HMCN1: variants seen among roughly 807,000 people sequenced by gnomAD.
HMCN1 encodes hemicentin 1, also known as hemicentin-1.
Under a neutral mutation model 625.9 loss-of-function variants are expected in HMCN1, and 321 were observed. The observed-to-expected ratio is 0.51, with a 90% CI of 0.47 to 0.56. The LOEUF is 0.56. Ranked by LOEUF, HMCN1 falls within the 20% of genes least tolerant of loss-of-function variation. The probability of loss-of-function intolerance (pLI) is 0.00; values close to 1 mark genes in which losing one functional copy is unlikely to be tolerated. For missense variants in HMCN1, 6,588 were observed against 6,887.3 expected (o/e 0.96, Z 1.54); for synonymous variants, 2,425 against 2,417.6 (o/e 1.00, Z -0.09).
At chr1:185,768,132 C>G (rs938008949) in intron 1 of HMCN1, among the ~76,000 whole-genome samples, 3 of 152,120 alleles carry the variant, frequency 2.0e-5, no homozygotes, top group Admixed American at 6.6e-5. Context: ...CCTCACCATA[C>G]GTTTACTAAA....
At chr1:186,006,530 C>T (rs1653644285) in intron 29 of HMCN1, among the ~76,000 whole-genome samples, 2 of 151,978 alleles carry the variant, frequency 1.3e-5, no homozygotes, top group Non-Finnish European at 2.9e-5. Context: ...ACTTCCTTGA[C>T]AATCATATAC....
chr1:186,069,610 A>T lies in HMCN1; in HGVS notation c.7880-53A>T, dbSNP rs1658360059. The T allele has an allele frequency of 3.6e-6, 4 of 1,105,636 alleles. No homozygotes were observed. The South Asian group carries it at 3.9e-5, about 11-fold the overall frequency. The allele number at this position is 1,105,636 out of a possible 1,614,324, so 68.5% of individuals were successfully genotyped here. On this transcript the variant is annotated intron_variant, in intron 50 of 106. Transcript: ENST00000271588. ...CGTAAACCCCTGATAGCCTGTGTGT[A>T]CTCCACTGTCACTGTGATTTTAGAG...
At chr1:185,758,949 G>A (rs1407995469) in intron 1 of HMCN1, among the ~76,000 whole-genome samples, 1 of 151,854 alleles carries the variant, frequency 6.6e-6, no homozygotes, top group Non-Finnish European at 1.5e-5. Flanking sequence ...TTCAAACCTG[G>A]GTATGCCTGC....
At chr1:186,018,416 A>AGG in intron 34 of HMCN1, 64 bp downstream of exon 34, 1 of 1,400,622 alleles carries the variant, frequency 7.1e-7, no homozygotes, top group Non-Finnish European at 1.0e-6. Flanking sequence ...TTTATTATCT[A>AGG]ACTCAGATTG....
intron 1 of HMCN1, among the ~76,000 whole-genome samples, chr1:185,832,505 G>A (rs1313347751): frequency 6.6e-6 from 1 of 152,062 alleles, no homozygotes. Context: ...GAATCATAGT[G>A]GTTTGTAATG....
rs1667198327 is a variant in HMCN1, at chr1:185,924,914, G to C, written c.1286-133G>C. The stretch of plus-strand genomic sequence containing the variant: ...GAAAAAGTAATTTTTAGTGATCTGG[G>C]TTAATTGGAATGCAGAGGATTTACT... On this transcript the variant is annotated intron_variant, in intron 8 of 106. Transcript: ENST00000271588. 4 of 838,788 alleles carry C rather than the reference G, an allele frequency of 4.8e-6. No homozygotes were observed. The South Asian group carries it at 5.9e-5, about 12-fold the overall frequency. 52.0% of individuals were successfully genotyped at this position (838,788 alleles called of 1,614,324 possible).
At chr1:186,174,727 T>G in intron 103 of HMCN1, 85 bp downstream of exon 103, 1 of 1,183,702 alleles carries the variant, frequency 8.4e-7, no homozygotes. Context: ...ACTTTCTCTA[T>G]CCTCAAATGG....
At chr1:185,763,124 C>G (rs1377998047) in intron 1 of HMCN1, among the ~76,000 whole-genome samples, 1 of 152,130 alleles carries the variant, frequency 6.6e-6, no homozygotes, top group Admixed American at 6.5e-5. Context: ...GTAAATTGAT[C>G]ATGCCTGGAG....
chr1:186,115,911 A>G (rs890649873), intron 75 of HMCN1, among the ~76,000 whole-genome samples: 1 of 151,154 alleles, frequency 6.6e-6, no homozygotes, highest in African/African-American at 2.4e-5. Flanking sequence ...ATATGGCAAT[A>G]TCTATTTTTC....
intron 6 of HMCN1, among the ~76,000 whole-genome samples, chr1:185,921,502 C>T (rs763800459): frequency 7.9e-5 from 12 of 152,206 alleles, no homozygotes; most frequent in Admixed American, 1.3e-4. Context: ...TACACAAATA[C>T]GGCTGTCTAC....
chr1:185,756,263 GT>G (rs1322905887), intron 1 of HMCN1, among the ~76,000 whole-genome samples: 2 of 152,118 alleles, frequency 1.3e-5, no homozygotes. Flanking sequence ...TTTTATGCAT[GT>G]GTTTTCCAGT....
At chr1:185,883,879 A>ATTTTTTTTTTTTTTTTTT (rs1205211897) in intron 4 of HMCN1, among the ~76,000 whole-genome samples, 5 of 55,952 alleles carry the variant, frequency 8.9e-5, no homozygotes, top group Non-Finnish European at 1.5e-4. Flanking sequence ...ATAGGTCATG[A>ATTTTTTTTTTTTTTTTTT]TTTTTTTTTT....
At chr1:186,069,930 A>C (rs1032848174) in intron 51 of HMCN1, among the ~76,000 whole-genome samples, 154 bp downstream of exon 51, 6 of 152,234 alleles carry the variant, frequency 3.9e-5, no homozygotes, top group African/African-American at 1.4e-4. Flanking sequence ...TGAATTAAGC[A>C]TTGTGTCTAT....
intron 16 of HMCN1, among the ~76,000 whole-genome samples, chr1:185,979,818 G>T (rs16824809): frequency 6.6e-6 from 1 of 152,044 alleles, no homozygotes; most frequent in African/African-American, 2.4e-5. Flanking sequence ...ACTTTTCTCT[G>T]TTCAAATCTT....
intron 83 of HMCN1, among the ~76,000 whole-genome samples, chr1:186,128,754 G>A (rs1283824816): frequency 6.6e-6 from 1 of 152,006 alleles, no homozygotes; most frequent in Non-Finnish European, 1.5e-5. Context: ...TCTAGTCACT[G>A]TGTATACTAC....
chr1:185,797,534 T>A (rs1048373549), intron 1 of HMCN1, among the ~76,000 whole-genome samples: 2 of 152,232 alleles, frequency 1.3e-5, no homozygotes, highest in Non-Finnish European at 1.5e-5. Context: ...CTTGAACTCC[T>A]GGCCTCAAGC....
intron 1 of HMCN1, among the ~76,000 whole-genome samples, chr1:185,786,392 G>A (rs987400033): frequency 1.3e-5 from 2 of 152,058 alleles, no homozygotes; most frequent in African/African-American, 4.8e-5. Flanking sequence ...GTCTTTGCAG[G>A]GAGCTCATTA....
In HMCN1 at chr1:186,112,832, C is replaced by A; in HGVS notation, c.11010C>A (p.Ile3670=). 2 of 1,614,168 alleles carry A rather than the reference C, an allele frequency of 1.2e-6. No individual in the cohort carries two copies. The highest frequency in any genetic ancestry group is 1.7e-6 in the Non-Finnish European group (2 of 1,180,018). ...TCCAGGCAACACCTCGAGTGCGAAT[C>A]CTATCTGGAGGGAGATACTTGCAAA... is the stretch of plus-strand genomic sequence containing the variant. ...ERLQATPRVR[I]LSGGRYLQIN... The change falls in exon 72 of 107, where the codon ATC becomes ATA. Residue 3670 remains isoleucine, a synonymous_variant. Coordinates refer to ENST00000271588, the MANE Select transcript of HMCN1 (RefSeq NM_031935.3).
intron 4 of HMCN1, among the ~76,000 whole-genome samples, chr1:185,902,567 A>G (rs899744917): frequency 3.3e-5 from 5 of 151,732 alleles, no homozygotes; most frequent in African/African-American, 1.2e-4. Flanking sequence ...CTATACCTGT[A>G]TACCTTATTA....
Sources: gnomAD v4.1 joint callset for allele counts (sites outside exome capture counted in the v4.1 genomes callset) on GRCh38, gnomAD v4.1.1 for gene constraint, MANE v1.5 for transcripts, NCBI Gene and HGNC (gene_info 2026-07-23, HGNC 2026-07-21) for gene names.